Variants in CIDEA observed in about 807,000 individuals in gnomAD.
CIDEA encodes the protein lipid transferase CIDEA.
Under a neutral mutation model 18.2 loss-of-function variants are expected in CIDEA, and 10 were observed. The observed-to-expected ratio is 0.55, with a 90% CI of 0.34 to 0.93. CIDEA has a LOEUF of 0.93. Among genes scored for constraint, CIDEA ranks in the 40% least tolerant of loss-of-function variants. The pLI is 0.02. For missense variants in CIDEA, 309 were observed against 293.1 expected, an observed-to-expected ratio of 1.05 and a Z score of -0.40; for synonymous variants, 128 against 124.8, an observed-to-expected ratio of 1.03 and a Z score of -0.17.
intron 2 of CIDEA, 97 bp from the exon 3 acceptor site, chr18:12,264,210 C>A (rs1193749463): frequency 1.7e-6 from 2 of 1,202,084 alleles, no homozygotes; most frequent in Non-Finnish European, 2.3e-6. Context: ...CAGAATCAGC[C>A]CAACACTTTT....
chr18:12,271,660 G>T (rs962528758), intron 3 of CIDEA, among the ~76,000 whole-genome samples: 5 of 152,220 alleles, frequency 3.3e-5, no homozygotes, highest in Admixed American at 6.5e-5. Flanking sequence ...TGGTGGGGGC[G>T]GTCGATGCCA....
At chr18:12,274,419 T>TC in intron 4 of CIDEA, 145 bp downstream of exon 4, 1 of 663,088 alleles carries the variant, frequency 1.5e-6, no homozygotes, top group Non-Finnish European at 2.5e-6. Context: ...GGAGGTCAAC[T>TC]CTTATCCCAC....
At chr18:12,259,450 T>C (rs1026376190) in intron 1 of CIDEA, among the ~76,000 whole-genome samples, 18 of 152,236 alleles carry the variant, frequency 1.2e-4, no homozygotes, top group African/African-American at 4.3e-4. Context: ...TCAGGTTTTA[T>C]CTTTTTCCCT....
At chr18:12,260,227 C>T (rs1035406283) in intron 1 of CIDEA, among the ~76,000 whole-genome samples, 5 of 152,066 alleles carry the variant, frequency 3.3e-5, no homozygotes, top group African/African-American at 7.2e-5. Flanking sequence ...GAGACAGTGT[C>T]ACTCTTTTGC....
chr18:12,254,945 G>C, intron 1 of CIDEA: 3 of 1,224,380 alleles, frequency 2.5e-6, no homozygotes, highest in Non-Finnish European at 2.1e-6. Context: ...ACCGTCCGGC[G>C]GAGCCCTCCA....
intron 3 of CIDEA, among the ~76,000 whole-genome samples, chr18:12,264,830 G>A (rs1049678810): frequency 1.3e-5 from 2 of 152,206 alleles, no homozygotes; most frequent in Non-Finnish European, 2.9e-5. Context: ...TGGGATTACA[G>A]GCGTGAGCCA....
rs758801609 is a variant in CIDEA at position 12,274,229 on chromosome 18, C to T, written c.467C>T (p.Ser156Phe). The T allele has an allele frequency of 1.2e-6, 2 of 1,614,114 alleles. No individual in the cohort carries two copies. The highest frequency in any genetic ancestry group is 1.1e-5 in the South Asian group (1 of 91,094). ...AAGGCCACCATGTATGAGATGTACT[C>T]CGTGTCCTACGACATCCGGTGCACG... ...NVKATMYEMYSVSYDIRCTGL... is the reference protein window; with the variant it reads ...NVKATMYEMYFVSYDIRCTGL... Residue 156 changes from serine to phenylalanine, a missense_variant, in exon 4 of 5, where the codon TCC becomes TTC. Coordinates refer to ENST00000320477, the MANE Select transcript of CIDEA (RefSeq NM_001279.4).
chr18:12,271,828 G>A (rs1195010779), intron 3 of CIDEA, among the ~76,000 whole-genome samples: 1 of 152,128 alleles, frequency 6.6e-6, no homozygotes, highest in Non-Finnish European at 1.5e-5. Flanking sequence ...GCCGCCAGCA[G>A]GTGTCTCGCT....
chr18:12,269,669 G>A (rs1014566287), intron 3 of CIDEA, among the ~76,000 whole-genome samples: 1 of 152,148 alleles, frequency 6.6e-6, no homozygotes, highest in African/African-American at 2.4e-5. Context: ...AAGGCAAACT[G>A]CATCTTACTG....
chr18:12,273,752 C>T lies in CIDEA; in HGVS notation c.331-341C>T, dbSNP rs568753236. ...ATGAGATTCTTTTGTCACCAGGTAA[C>T]CATGGTGGCCTCCAGGGCGAGTGGG... On this transcript the variant is annotated intron_variant, in intron 3 of 4. Coordinates refer to ENST00000320477, the MANE Select transcript of CIDEA (RefSeq NM_001279.4). Among the ~76,000 whole-genome samples the T allele has an allele frequency of 1.1e-3, 175 of 152,284 alleles. 2 individuals carry two copies. The highest frequency in any genetic ancestry group is 1.9e-3 in the South Asian group (9 of 4,822).
intron 4 of CIDEA, among the ~76,000 whole-genome samples, 183 bp from the exon 5 acceptor site, chr18:12,276,940 G>A (rs1905355000): frequency 2.0e-5 from 3 of 152,150 alleles, no homozygotes; most frequent in South Asian, 2.1e-4. Flanking sequence ...CCACTGCCAC[G>A]GCAGCTGCAT....
At chr18:12,256,041 C>T (rs1280237375) in intron 1 of CIDEA, among the ~76,000 whole-genome samples, 1 of 151,978 alleles carries the variant, frequency 6.6e-6, no homozygotes, top group Admixed American at 6.6e-5. Context: ...TCTACCTGCT[C>T]CCAGGCTGAA....
intron 2 of CIDEA, 135 bp downstream of exon 2, chr18:12,263,104 G>C: frequency 1.1e-6 from 1 of 872,824 alleles, no homozygotes; most frequent in South Asian, 2.1e-5. Context: ...GGGAAACGGG[G>C]AGAGAAATTG....
At position 12,264,371 on chromosome 18, in the gene CIDEA, T is replaced by C. The variant is rs1912283015; in HGVS notation, c.248T>C (p.Val83Ala). ...VTLVLEEDGTVVDTEEFFQTL... is the reference protein window; with the variant it reads ...VTLVLEEDGTAVDTEEFFQTL... Reference sequence around the variant, plus strand: ...CTGGTGCTGGAGGAAGATGGCACCGTGGTGGACACAGAAGAGTTCTTTCAG... The same window carrying C: ...CTGGTGCTGGAGGAAGATGGCACCGCGGTGGACACAGAAGAGTTCTTTCAG... The change falls in exon 3 of 5, where the codon GTG becomes GCG. Residue 83 changes from valine (V) to alanine (A), a missense_variant. Physicochemically the swap from Val to Ala is moderately conservative, Grantham distance 64 (BLOSUM62 0). Transcript: ENST00000320477. 3.7e-6 allele frequency: 6 copies of C among 1,614,068 alleles called. No individual in the cohort carries two copies. Among genetic ancestry groups the C allele is most frequent in the Non-Finnish European group, 5.1e-6 (6 of 1,179,920 alleles).
At chr18:12,262,724 C>A in intron 1 of CIDEA, 101 bp from the exon 2 acceptor site, 5 of 1,137,206 alleles carry the variant, frequency 4.4e-6, no homozygotes, top group Non-Finnish European at 6.4e-6. Flanking sequence ...GAATTTCTTT[C>A]TTTTAGATGC....
At chr18:12,258,983 C>T (rs900800857) in intron 1 of CIDEA, among the ~76,000 whole-genome samples, 1 of 152,166 alleles carries the variant, frequency 6.6e-6, no homozygotes, top group Non-Finnish European at 1.5e-5. Context: ...AGAGTGTGCC[C>T]GAATTCCCCG....
chr18:12,254,719 T>C, intron 1 of CIDEA: 1 of 1,476,892 alleles, frequency 6.8e-7, no homozygotes, highest in Non-Finnish European at 9.1e-7. Context: ...GCAAACCAGG[T>C]GACAGCTGGC....
chr18:12,276,939 C>T (rs947535784), intron 4 of CIDEA, among the ~76,000 whole-genome samples, 184 bp from the exon 5 acceptor site: 18 of 152,224 alleles, frequency 1.2e-4, no homozygotes, highest in Admixed American at 3.3e-4. Context: ...CCCACTGCCA[C>T]GGCAGCTGCA....
chr18:12,259,129 C>T (rs1352208181), intron 1 of CIDEA, among the ~76,000 whole-genome samples: 2 of 152,238 alleles, frequency 1.3e-5, no homozygotes, highest in African/African-American at 4.8e-5. Flanking sequence ...CCGGGCGAGG[C>T]TCTGATTGGC....
Sources: allele counts gnomAD v4.1 joint callset (sites outside exome capture counted in the v4.1 genomes callset), GRCh38; gene constraint gnomAD v4.1.1; transcripts MANE v1.5; gene names NCBI Gene and HGNC (gene_info 2026-07-23, HGNC 2026-07-21).